The following SHANK2 variants were observed in gnomAD, a reference collection of about 807,000 sequenced individuals.
SHANK2 encodes the protein SH3 and multiple ankyrin repeat domains 2.
SHANK2 carries 43 observed loss-of-function variants against 133.7 expected under a neutral mutation model. The observed-to-expected ratio is 0.32, with a 90% CI of 0.25 to 0.41. SHANK2 has a LOEUF of 0.41. SHANK2 is among the 10% of genes least tolerant of loss of function. The pLI is 1.00. For missense variants in SHANK2, 1,994 were observed against 2,235.8 expected (o/e 0.89, Z 2.18); for synonymous variants, 1,017 against 952.8 (o/e 1.07, Z -1.24).
intron 3 of SHANK2, among the ~76,000 whole-genome samples, chr11:71,133,455 C>T (rs1370399402): frequency 4.1e-5 from 5 of 120,844 alleles, no homozygotes; most frequent in South Asian, 5.9e-4. Context: ...GACGGACAGA[C>T]GGAGGGAGGG....
intron 2 of SHANK2, among the ~76,000 whole-genome samples, chr11:71,190,508 C>T (rs1212267812): frequency 2.0e-5 from 3 of 152,020 alleles, no homozygotes; most frequent in Non-Finnish European, 4.4e-5. Flanking sequence ...GTGTGGCTCA[C>T]CATTGTCTGG....
intron 6 of SHANK2, among the ~76,000 whole-genome samples, chr11:71,104,369 C>G (rs555232612): frequency 1.9e-3 from 297 of 152,308 alleles, no homozygotes; most frequent in Non-Finnish European, 3.4e-3. Flanking sequence ...GGGCCCCCCC[C>G]ATCCTGCATC....
chr11:70,613,852 C>T (rs1554995159), intron 17 of SHANK2, among the ~76,000 whole-genome samples: 1 of 150,906 alleles, frequency 6.6e-6, no homozygotes, highest in East Asian at 2.0e-4. Flanking sequence ...GCAACCTCGG[C>T]CTCCCGGGTT....
chr11:71,117,430 T>G (rs1246477726), intron 4 of SHANK2, among the ~76,000 whole-genome samples: 1 of 152,218 alleles, frequency 6.6e-6, no homozygotes, highest in African/African-American at 2.4e-5. Flanking sequence ...ACCTTTGTAC[T>G]GTCCTCAGTG....
chr11:70,476,127 C>T (rs1336410781), intron 25 of SHANK2, among the ~76,000 whole-genome samples: 1 of 152,070 alleles, frequency 6.6e-6, no homozygotes, highest in African/African-American at 2.4e-5. Flanking sequence ...TACTGGGAGG[C>T]TGAGGCAGGA....
intron 13 of SHANK2, among the ~76,000 whole-genome samples, chr11:70,799,371 A>G (rs1264880123): frequency 6.6e-6 from 1 of 151,970 alleles, no homozygotes; most frequent in Non-Finnish European, 1.5e-5. Flanking sequence ...CACTGCACTC[A>G]CAGCCTGGGT....
intron 21 of SHANK2, among the ~76,000 whole-genome samples, chr11:70,494,364 G>A (rs568056758): frequency 2.0e-5 from 3 of 152,180 alleles, no homozygotes; most frequent in Admixed American, 6.5e-5. Flanking sequence ...GGGCTGCTTG[G>A]CTCACTGCAA....
intron 21 of SHANK2, among the ~76,000 whole-genome samples, chr11:70,499,079 G>C (rs2059013562): frequency 6.6e-6 from 1 of 152,256 alleles, no homozygotes; most frequent in African/African-American, 2.4e-5. Context: ...AGTCCTCCCA[G>C]AGACAGGTGG....
intron 4 of SHANK2, among the ~76,000 whole-genome samples, chr11:71,117,536 G>A (rs1187626321): frequency 4.6e-5 from 7 of 152,146 alleles, no homozygotes; most frequent in East Asian, 3.8e-4. Context: ...ACTATGACTC[G>A]AGGGTCAGGA....
intron 2 of SHANK2, among the ~76,000 whole-genome samples, chr11:71,189,962 G>A (rs1405291348): frequency 2.0e-5 from 3 of 152,230 alleles, no homozygotes; most frequent in Admixed American, 6.5e-5. Context: ...TGAGCACTCC[G>A]AGCACGAGGG....
intron 10 of SHANK2, among the ~76,000 whole-genome samples, chr11:70,954,896 C>T (rs954940505): frequency 6.6e-6 from 1 of 152,232 alleles, no homozygotes; most frequent in African/African-American, 2.4e-5. Flanking sequence ...CCTTTAGGAG[C>T]TGTGTGACCT....
rs1555030254 is a variant in SHANK2 at position 70,725,001 on chromosome 11, A to G, written c.1778-26238T>C. The stretch of plus-strand genomic sequence containing the variant: ...TCGGTCTAAAAGGAAGGAAACCAAC[A>G]TTTGCTAAATGCCTACTATGTGCCA... On this transcript the variant is annotated intron_variant, in intron 14 of 25. Transcript: ENST00000601538. 2.0e-5 allele frequency among the ~76,000 whole-genome samples: 3 copies of G among 152,206 alleles called. No individual in the cohort carries two copies. The South Asian group carries it at 6.2e-4, about 32-fold the overall frequency.
chr11:70,622,693 T>C (rs1156426365), intron 17 of SHANK2, among the ~76,000 whole-genome samples: 1 of 152,140 alleles, frequency 6.6e-6, no homozygotes, highest in Non-Finnish European at 1.5e-5. Context: ...ATAAATGACA[T>C]CTAAGGACAT....
At chr11:70,576,272 C>T (rs1206554877) in intron 17 of SHANK2, among the ~76,000 whole-genome samples, 1 of 152,014 alleles carries the variant, frequency 6.6e-6, no homozygotes, top group Non-Finnish European at 1.5e-5. Context: ...AGCCCTCCTG[C>T]GAGGGACAGC....
chr11:70,826,854 G>A (rs1433428860), intron 11 of SHANK2: 9 of 212,290 alleles, frequency 4.2e-5, no homozygotes, highest in Admixed American at 3.7e-4. Flanking sequence ...CGGATCAGGC[G>A]TCCTCGAGCT....
intron 17 of SHANK2, among the ~76,000 whole-genome samples, chr11:70,620,957 A>G (rs1467755712): frequency 2.6e-5 from 4 of 152,214 alleles, no homozygotes; most frequent in Admixed American, 6.5e-5. Flanking sequence ...ACAGCAACCC[A>G]AACTGAATAA....
rs574751418 is a variant in SHANK2, at chr11:70,867,776, T to C, written c.1174+28725A>G. On this transcript the variant is annotated intron_variant, in intron 11 of 25. Coordinates refer to ENST00000601538, the MANE Select transcript of SHANK2 (RefSeq NM_012309.5). ...TGCTGACCTTTATTGCCTAGGACTC[T>C]CTGTGAAGTTTCCAAGGAAGCATTT... Among the ~76,000 whole-genome samples the C allele has an allele frequency of 6.6e-5, 10 of 152,350 alleles. No homozygotes were observed. The South Asian group carries it at 2.1e-3, about 32-fold the overall frequency.
upstream of SHANK2, among the ~76,000 whole-genome samples, chr11:71,253,114 C>T (rs1316449843): frequency 2.6e-5 from 4 of 152,114 alleles, no homozygotes; most frequent in African/African-American, 7.2e-5. Context: ...ACGGTATCTC[C>T]GCCAGCTGCC....
chr11:70,600,594 A>C (rs2060482039), intron 17 of SHANK2, among the ~76,000 whole-genome samples: 1 of 152,166 alleles, frequency 6.6e-6, no homozygotes, highest in Admixed American at 6.5e-5. Context: ...GGTGGTGCTC[A>C]GATAGACAAA....
Sources: allele counts gnomAD v4.1 joint callset (sites outside exome capture counted in the v4.1 genomes callset), GRCh38; gene constraint gnomAD v4.1.1; transcripts MANE v1.5; gene names NCBI Gene and HGNC (gene_info 2026-07-23, HGNC 2026-07-21).